TBC1D19: variants seen among roughly 807,000 people sequenced by gnomAD.
TBC1D19 encodes the protein TBC1 domain family, member 19.
A neutral mutation model predicts 89.0 loss-of-function variants in TBC1D19; 60 were observed. That is an observed-to-expected ratio of 0.67 (90% confidence interval 0.55 to 0.84). The LOEUF (loss-of-function observed/expected upper bound fraction) is 0.84, where lower values mean the gene tolerates loss of function less well. TBC1D19 is among the 40% of genes least tolerant of loss of function. TBC1D19 has a pLI of 0.00. For missense variants in TBC1D19, 500 were observed against 610.8 expected (o/e 0.82, Z 1.91); for synonymous variants, 189 against 199.7 (o/e 0.95, Z 0.45).
intron 4 of TBC1D19, among the ~76,000 whole-genome samples, chr4:26,624,531 C>T (rs1284189281): frequency 1.3e-5 from 2 of 151,990 alleles, no homozygotes; most frequent in African/African-American, 2.4e-5. Flanking sequence ...TTTCTGTATA[C>T]ATCTTTCTGA....
intron 13 of TBC1D19, among the ~76,000 whole-genome samples, chr4:26,701,314 C>T (rs12649671): frequency 0.47 from 55,281 of 117,292 alleles, 11,360 homozygotes; most frequent in Non-Finnish European, 0.64. Context: ...CGTCACTCAT[C>T]TGCACAAACA....
chr4:26,606,701 G>T (rs975083549), intron 1 of TBC1D19, among the ~76,000 whole-genome samples: 2 of 152,136 alleles, frequency 1.3e-5, no homozygotes, highest in Admixed American at 6.5e-5. Context: ...CAACATAGAA[G>T]AATTCTGTAA....
At chr4:26,710,027 G>GTT (rs201142872) in intron 13 of TBC1D19, among the ~76,000 whole-genome samples, 2 of 150,306 alleles carry the variant, frequency 1.3e-5, no homozygotes, top group African/African-American at 4.9e-5. Flanking sequence ...AGGGCAGAGT[G>GTT]TTTTTTTTTA....
chr4:26,634,558 A>G (rs1743008085), intron 4 of TBC1D19, among the ~76,000 whole-genome samples: 1 of 152,102 alleles, frequency 6.6e-6, no homozygotes, highest in African/African-American at 2.4e-5. Context: ...GCTACAGTTA[A>G]TTTTATGCAG....
intron 17 of TBC1D19, chr4:26,740,862 C>T (rs1422242004): frequency 1.0e-6 from 1 of 985,218 alleles, no homozygotes. Context: ...CCTATTTCAC[C>T]TTCCTCCATC....
At chr4:26,825,042 G>C in the TBC1D19 span, among the ~76,000 whole-genome samples, 4 of 151,548 alleles carry the variant, frequency 2.6e-5, no homozygotes, top group African/African-American at 7.3e-5. Flanking sequence ...TTCTTTTTAT[G>C]TTTGTTGGCT....
the TBC1D19 span, among the ~76,000 whole-genome samples, chr4:26,842,335 CTTTTCTTTTT>C: frequency 2.3e-5 from 2 of 87,432 alleles, no homozygotes; most frequent in Non-Finnish European, 5.0e-5. Context: ...CTTTTCTTTT[CTTTTCTTTTT>C]TTTTTTTTTT....
At chr4:26,858,474 A>C in the TBC1D19 span, 1 of 152,480 alleles carries the variant, frequency 6.6e-6, no homozygotes, top group East Asian at 1.9e-4. Flanking sequence ...GGAGGTGGGA[A>C]AGGAAACCTG....
intron 17 of TBC1D19, 22 bp downstream of exon 17, chr4:26,739,995 G>C: frequency 6.9e-7 from 1 of 1,455,058 alleles, no homozygotes; most frequent in Non-Finnish European, 9.4e-7. Flanking sequence ...AGAAAAACTT[G>C]ATCAAATTAG....
At chr4:26,821,250 AT>A in the TBC1D19 span, among the ~76,000 whole-genome samples, 1 of 152,126 alleles carries the variant, frequency 6.6e-6, no homozygotes, top group Non-Finnish European at 1.5e-5. Flanking sequence ...TTTGGCTGAG[AT>A]TTTTTCAAAG....
chr4:26,842,628 CT>C, the TBC1D19 span, among the ~76,000 whole-genome samples: 4 of 127,066 alleles, frequency 3.1e-5, no homozygotes, highest in African/African-American at 1.2e-4. Flanking sequence ...TTCTTTCTTT[CT>C]TTCTTTCTTT....
At chr4:26,842,751 C>T in the TBC1D19 span, among the ~76,000 whole-genome samples, 3 of 151,664 alleles carry the variant, frequency 2.0e-5, no homozygotes, top group Non-Finnish European at 2.9e-5. Flanking sequence ...AATTTGCCTG[C>T]CTCAGCCTCC....
the TBC1D19 span, among the ~76,000 whole-genome samples, chr4:26,778,486 A>G: frequency 6.6e-6 from 1 of 152,014 alleles, no homozygotes; most frequent in East Asian, 1.9e-4. Context: ...GAAGGAAAGG[A>G]AAAAGGAAAG....
chr4:26,714,436 A>G (rs1180245777), intron 13 of TBC1D19, among the ~76,000 whole-genome samples: 2 of 152,152 alleles, frequency 1.3e-5, no homozygotes, highest in South Asian at 4.1e-4. Context: ...AACTAAACCC[A>G]ATGACCAATT....
chr4:26,711,496 G>A (rs1716186828), intron 13 of TBC1D19, among the ~76,000 whole-genome samples: 1 of 151,848 alleles, frequency 6.6e-6, no homozygotes, highest in South Asian at 2.1e-4. Context: ...TTATTTCTCA[G>A]AAACATTTAC....
the TBC1D19 span, among the ~76,000 whole-genome samples, chr4:26,795,813 AT>A: frequency 2.0e-4 from 31 of 152,294 alleles, no homozygotes; most frequent in Admixed American, 1.9e-3. Flanking sequence ...AAATAGGTAA[AT>A]TTTTAATATA....
the TBC1D19 span, among the ~76,000 whole-genome samples, chr4:26,767,098 A>G: frequency 1.3e-5 from 2 of 152,102 alleles, no homozygotes. Flanking sequence ...TGAGCCCAGG[A>G]GTTCAAGGCT....
chr4:26,583,842 T>C, upstream of TBC1D19: 1 of 279,038 alleles, frequency 3.6e-6, no homozygotes. Flanking sequence ...CTTTATATAG[T>C]AAAACGCACA....
At chr4:26,601,220 A>G (rs1332645628) in intron 1 of TBC1D19, among the ~76,000 whole-genome samples, 1 of 152,114 alleles carries the variant, frequency 6.6e-6, no homozygotes, top group Non-Finnish European at 1.5e-5. Flanking sequence ...TGTAGTAACC[A>G]CTGTTCTACG....
Sources: gnomAD v4.1 joint callset for allele counts (sites outside exome capture counted in the v4.1 genomes callset) on GRCh38, gnomAD v4.1.1 for gene constraint, MANE v1.5 for transcripts, NCBI Gene and HGNC (gene_info 2026-07-23, HGNC 2026-07-21) for gene names.